RANBP9: variants seen among roughly 807,000 people sequenced by gnomAD.
RANBP9 encodes ran-binding protein 9.
In RANBP9, 15 loss-of-function variants were observed where a neutral mutation model predicts 84.3. The observed-to-expected ratio is 0.18, with a 90% CI of 0.12 to 0.27. The LOEUF (loss-of-function observed/expected upper bound fraction) is 0.27, where lower values mean the gene tolerates loss of function less well. Among genes scored for constraint, RANBP9 ranks in the 10% least tolerant of loss-of-function variants. The probability of loss-of-function intolerance (pLI) is 1.00; values close to 1 mark genes in which losing one functional copy is unlikely to be tolerated. For synonymous variants in RANBP9, 392 were observed against 349.6 expected, an observed-to-expected ratio of 1.12 and a Z score of -1.35; for missense variants, 809 against 912.8, an observed-to-expected ratio of 0.89 and a Z score of 1.46.
intron 5 of RANBP9, among the ~76,000 whole-genome samples, chr6:13,645,593 AAGAC>A (rs1206048977): frequency 1.3e-4 from 20 of 152,308 alleles, no homozygotes; most frequent in Non-Finnish European, 1.6e-4. Flanking sequence ...TTCTACTTCA[AAGAC>A]AGAGAAAATG....
intron 12 of RANBP9, 121 bp downstream of exon 12, chr6:13,632,249 A>C: frequency 1.2e-6 from 1 of 836,716 alleles, no homozygotes; most frequent in South Asian, 1.9e-5. Flanking sequence ...GCAAGGAGCC[A>C]GGGGGAAGGT....
chr6:13,625,800 T>C, intron 12 of RANBP9, 36 bp from the exon 13 acceptor site: 2 of 1,388,756 alleles, frequency 1.4e-6, no homozygotes, highest in Non-Finnish European at 1.0e-6. Context: ...TTAATTCAAA[T>C]AGTTCAACTA....
intron 4 of RANBP9, 91 bp from the exon 5 acceptor site, chr6:13,652,772 A>G: frequency 8.9e-7 from 1 of 1,120,920 alleles, no homozygotes; most frequent in Non-Finnish European, 1.3e-6. Context: ...GAGGAAACAA[A>G]TGGCAAAAGA....
chr6:13,632,530 AAAAC>A lies in RANBP9; in HGVS notation c.1796-13_1796-10del. On this transcript the variant is annotated splice_polypyrimidine_tract_variant and intron_variant, in intron 11 of 13. Transcript: ENST00000011619. ...CTGACTTGAATCAACTTCTGTAAGA[AAAAC>A]AGACAAGTATTTTACTACCTTATGG... 5 of 1,608,194 alleles carry A rather than the reference AAAAC, an allele frequency of 3.1e-6. No individual in the cohort carries two copies. The highest frequency in any genetic ancestry group is 1.7e-4 in the Middle Eastern group (1 of 6,050).
rs143896511 is a variant in RANBP9, at chr6:13,695,608, G to C, written c.683+1177C>G. Among the ~76,000 whole-genome samples, 6 of 151,620 alleles carry C rather than the reference G, an allele frequency of 4.0e-5. No homozygotes were observed. The East Asian group carries it at 1.2e-3, about 29-fold the overall frequency. On this transcript the variant is annotated intron_variant, in intron 2 of 13. Transcript: ENST00000011619. ...GTTCATATAATTTGAAGTATAAAAA[G>C]AATCAGCTTACTGATTATACAGCTT...
At chr6:13,705,444 A>T (rs1251171549) in intron 1 of RANBP9, among the ~76,000 whole-genome samples, 1 of 147,944 alleles carries the variant, frequency 6.8e-6, no homozygotes, top group Non-Finnish European at 1.5e-5. Context: ...AAGAATATAC[A>T]TTATTATTGT....
At chr6:13,630,389 A>G (rs188765154) in intron 12 of RANBP9, among the ~76,000 whole-genome samples, 247 of 152,334 alleles carry the variant, frequency 1.6e-3, no homozygotes, top group Non-Finnish European at 2.8e-3. Context: ...AATAAGAATC[A>G]AACACAAAGT....
At chr6:13,670,391 GCTA>G in intron 2 of RANBP9, among the ~76,000 whole-genome samples, 1 of 152,178 alleles carries the variant, frequency 6.6e-6, no homozygotes, top group East Asian at 1.9e-4. Context: ...TAACTGAAGA[GCTA>G]AAACTATGAA....
intron 2 of RANBP9, among the ~76,000 whole-genome samples, chr6:13,662,566 T>C (rs1765557564): frequency 6.6e-6 from 1 of 152,222 alleles, no homozygotes; most frequent in South Asian, 2.1e-4. Context: ...GGAATGGGAT[T>C]TTTGCCCTAA....
chr6:13,650,297 C>T (rs1450448372), intron 5 of RANBP9, among the ~76,000 whole-genome samples: 1 of 151,506 alleles, frequency 6.6e-6, no homozygotes, highest in Admixed American at 6.6e-5. Context: ...TACTTTTGAT[C>T]GGTAGGGTTC....
chr6:13,692,844 C>G (rs1462241553), intron 2 of RANBP9, among the ~76,000 whole-genome samples: 1 of 152,190 alleles, frequency 6.6e-6, no homozygotes, highest in Admixed American at 6.5e-5. Context: ...CAGAGCAAGA[C>G]TCTGTCTCAA....
intron 5 of RANBP9, among the ~76,000 whole-genome samples, chr6:13,649,414 TAAC>T (rs904590206): frequency 2.9e-4 from 29 of 98,946 alleles, no homozygotes; most frequent in South Asian, 9.4e-4. Context: ...AAACGAAAGC[TAAC>T]AACAACAAAA....
intron 4 of RANBP9, among the ~76,000 whole-genome samples, 179 bp downstream of exon 4, chr6:13,656,930 T>C (rs181520453): frequency 2.3e-3 from 346 of 152,210 alleles, no homozygotes; most frequent in Non-Finnish European, 3.7e-3. Context: ...TCACAGAATA[T>C]AAATAGGGTG....
chr6:13,651,177 A>G (rs1765286732), intron 5 of RANBP9, among the ~76,000 whole-genome samples: 1 of 152,130 alleles, frequency 6.6e-6, no homozygotes, highest in Non-Finnish European at 1.5e-5. Flanking sequence ...GGGAGGCATT[A>G]TGTCACAGTT....
chr6:13,637,220 C>T (rs948198150), intron 10 of RANBP9, among the ~76,000 whole-genome samples: 1 of 152,204 alleles, frequency 6.6e-6, no homozygotes, highest in African/African-American at 2.4e-5. Flanking sequence ...CCCTACCTAG[C>T]AGAATGTTTG....
chr6:13,693,081 A>G (rs1217678371), intron 2 of RANBP9, among the ~76,000 whole-genome samples: 1 of 152,212 alleles, frequency 6.6e-6, no homozygotes, highest in African/African-American at 2.4e-5. Context: ...AATGTAAAGG[A>G]GGCATAGAAA....
At chr6:13,635,360 TATCTA>T (rs1764911338) in intron 10 of RANBP9, among the ~76,000 whole-genome samples, 1 of 152,178 alleles carries the variant, frequency 6.6e-6, no homozygotes, top group Non-Finnish European at 1.5e-5. Flanking sequence ...CAACAATAAA[TATCTA>T]ATCTTTAGGA....
In RANBP9 at chr6:13,698,143, AC is replaced by A. The variant is rs564365874; in HGVS notation, c.572-1248del. On this transcript the variant is annotated intron_variant, in intron 1 of 13. Transcript: ENST00000011619. ...GCAATGCAAATTAGTACATGTTCAC[AC>A]CCCCCACTCCCCCCACAAAAAAATG... Among the ~76,000 whole-genome samples, 407 of 151,228 alleles carry A rather than the reference AC, an allele frequency of 2.7e-3. 2 individuals carry two copies. Among genetic ancestry groups the A allele is most frequent in the African/African-American group, 9.6e-3 (396 of 41,102 alleles).
At chr6:13,622,593 C>T in intron 13 of RANBP9, 101 bp from the exon 14 acceptor site, 2 of 1,204,052 alleles carry the variant, frequency 1.7e-6, no homozygotes, top group Non-Finnish European at 2.2e-6. Context: ...AACTACCACT[C>T]CCATACCACT....
Sources: gnomAD v4.1 joint callset for allele counts (sites outside exome capture counted in the v4.1 genomes callset) on GRCh38, gnomAD v4.1.1 for gene constraint, MANE v1.5 for transcripts, NCBI Gene and HGNC (gene_info 2026-07-23, HGNC 2026-07-21) for gene names.